The following FLT1 variants were observed in gnomAD, a reference collection of about 807,000 sequenced individuals.
The protein encoded by FLT1 is fms related receptor tyrosine kinase 1, also known as vascular endothelial growth factor receptor 1.
A neutral mutation model predicts 156.3 loss-of-function variants in FLT1; 49 were observed. The observed-to-expected ratio is 0.31, with a 90% confidence interval of 0.25 to 0.40. The LOEUF (loss-of-function observed/expected upper bound fraction) is 0.40, where lower values mean the gene tolerates loss of function less well. FLT1 is among the 10% of genes least tolerant of loss of function. The pLI is 1.00. For missense variants in FLT1, 1,322 were observed against 1,637.2 expected, an observed-to-expected ratio of 0.81 and a Z score of 3.32; for synonymous variants, 594 against 583.8, an observed-to-expected ratio of 1.02 and a Z score of -0.25.
intron 25 of FLT1, among the ~76,000 whole-genome samples, chr13:28,316,887 T>C (rs542174074): frequency 1.2e-3 from 189 of 152,256 alleles, no homozygotes; most frequent in African/African-American, 4.3e-3. Flanking sequence ...CCTCCCAAAG[T>C]GCTGGGATTA....
At chr13:28,434,301 A>G (rs1877897168) in intron 4 of FLT1, 81 bp from the exon 5 acceptor site, 3 of 1,288,704 alleles carry the variant, frequency 2.3e-6, no homozygotes, top group Admixed American at 1.8e-5. Flanking sequence ...TTGTGAAAAC[A>G]TGATTTTTCA....
intron 10 of FLT1, among the ~76,000 whole-genome samples, chr13:28,422,481 G>A (rs1294381462): frequency 6.6e-6 from 1 of 152,204 alleles, no homozygotes; most frequent in Non-Finnish European, 1.5e-5. Context: ...CAAAACTGCA[G>A]TAATCAAAGG....
At chr13:28,474,056 G>T (rs1310308729) in intron 1 of FLT1, among the ~76,000 whole-genome samples, 1 of 152,122 alleles carries the variant, frequency 6.6e-6, no homozygotes. Flanking sequence ...GCCACAGAGA[G>T]ATGCCTCAGG....
rs190641915 is a variant in FLT1, at chr13:28,394,116, G to A, written c.1660+2844C>T. ...CTCTCATCTCTAGTGACAAAGATTT[G>A]AGTGAGAGAAAGATAATAATTATTT... On this transcript the variant is annotated intron_variant, in intron 12 of 29. Transcript: ENST00000282397. 2.1e-4 allele frequency among the ~76,000 whole-genome samples: 32 copies of A among 152,272 alleles called. 1 individual carries two copies. The highest frequency in any genetic ancestry group is 1.9e-4 in the Non-Finnish European group (13 of 68,014).
chr13:28,441,740 A>G (rs9508036), intron 3 of FLT1, among the ~76,000 whole-genome samples: 48,461 of 151,964 alleles, frequency 0.32, 7,958 homozygotes, highest in East Asian at 0.38. Context: ...CAAGAGTTTG[A>G]GACCAGCCTG....
intron 13 of FLT1, chr13:28,388,258 T>C (rs1874486212): frequency 9.5e-7 from 1 of 1,057,338 alleles, no homozygotes; most frequent in Non-Finnish European, 1.1e-6. Flanking sequence ...TCTGGGGAAA[T>C]GCTATTGTTT....
intron 16 of FLT1, among the ~76,000 whole-genome samples, chr13:28,343,133 C>T (rs1392537298): frequency 6.6e-6 from 1 of 152,114 alleles, no homozygotes; most frequent in Non-Finnish European, 1.5e-5. Context: ...CAGGCAAGTG[C>T]CATCACACCC....
At chr13:28,488,934 G>C (rs1881326034) in intron 1 of FLT1, among the ~76,000 whole-genome samples, 1 of 152,174 alleles carries the variant, frequency 6.6e-6, no homozygotes, top group South Asian at 2.1e-4. Context: ...CCTAAAATTT[G>C]AGGACTCTGT....
intron 1 of FLT1, among the ~76,000 whole-genome samples, chr13:28,471,941 C>T (rs1880202165): frequency 6.6e-6 from 1 of 152,038 alleles, no homozygotes; most frequent in Non-Finnish European, 1.5e-5. Flanking sequence ...GGCTTTATCC[C>T]ATGCTACTTT....
At chr13:28,373,871 G>A (rs1873729824) in intron 14 of FLT1, among the ~76,000 whole-genome samples, 1 of 152,066 alleles carries the variant, frequency 6.6e-6, no homozygotes, top group Non-Finnish European at 1.5e-5. Context: ...AAATCTCTTT[G>A]TATCTCTTCT....
chr13:28,368,623 T>G (rs1260737273), intron 14 of FLT1: 1 of 1,358,952 alleles, frequency 7.4e-7, no homozygotes, highest in Non-Finnish European at 1.0e-6. Context: ...ATGACAATGG[T>G]GATGATGACG....
In FLT1 at chr13:28,357,417, G is replaced by T. The variant is rs1189919065; in HGVS notation, c.2248+137C>A. 4.6e-6 allele frequency: 4 copies of T among 873,130 alleles called. No homozygotes were observed. In the East Asian group the frequency reaches 7.4e-5, roughly 16 times the overall value. The allele number at this position is 873,130 out of a possible 1,614,324, so 54.1% of individuals were successfully genotyped here. ...AACCAGACAGTCCCTTCCCGGAGTG[G>T]CAGGGAGAGGGGAGAAGGAGGTCAG... is the stretch of plus-strand genomic sequence containing the variant. On this transcript the variant is annotated intron_variant, in intron 15 of 29. Coordinates refer to ENST00000282397, the MANE Select transcript of FLT1 (RefSeq NM_002019.4).
intron 3 of FLT1, among the ~76,000 whole-genome samples, chr13:28,464,026 G>C (rs1378350682): frequency 2.7e-5 from 4 of 149,634 alleles, no homozygotes; most frequent in Non-Finnish European, 4.5e-5. Context: ...AAATTAATTA[G>C]CAAACAAGAT....
At chr13:28,316,638 CTT>C (rs572382294) in intron 25 of FLT1, among the ~76,000 whole-genome samples, 48 of 134,574 alleles carry the variant, frequency 3.6e-4, no homozygotes, top group Admixed American at 5.2e-4. Flanking sequence ...CTAAAAGGTT[CTT>C]TTTTTTTTTT....
At chr13:28,357,263 G>T (rs61764360) in intron 15 of FLT1, among the ~76,000 whole-genome samples, 2,029 of 152,006 alleles carry the variant, frequency 0.013, 45 homozygotes, top group African/African-American at 0.046. Context: ...TCTGTGGCAG[G>T]GCGTAATAAC....
chr13:28,317,857 C>T (rs1032884202), intron 24 of FLT1, among the ~76,000 whole-genome samples: 1 of 152,236 alleles, frequency 6.6e-6, no homozygotes, highest in African/African-American at 2.4e-5. Context: ...GCTACTTCTG[C>T]CTGTGTGGTC....
chr13:28,440,748 A>G (rs934564113), intron 3 of FLT1, among the ~76,000 whole-genome samples: 10 of 152,170 alleles, frequency 6.6e-5, no homozygotes, highest in African/African-American at 2.2e-4. Flanking sequence ...CATTTGTAAA[A>G]TCTAAGTGAA....
At position 28,329,726 on chromosome 13, in the gene FLT1, C is replaced by G. The variant is rs766101235; in HGVS notation, c.2596G>C (p.Gly866Arg). ...GCTTTGTACTCGCTGGCCGTGGCCC[C>G]CTCTGTGTGAGAAGCAAGGAAGAGT... ...RTVAVKMLKE[G>R]ATASEYKALM... The change falls in exon 19 of 30, where the codon GGG becomes CGG. Residue 866 changes from glycine (G) to arginine (R), a missense_variant and splice_region_variant. Gly to Arg is a moderately radical substitution (Grantham distance 125). Transcript: ENST00000282397. The G allele has an allele frequency of 1.2e-6, 2 of 1,613,316 alleles. No homozygotes were observed. Among genetic ancestry groups the G allele is most frequent in the Non-Finnish European group, 1.7e-6 (2 of 1,179,372 alleles).
chr13:28,486,196 C>T (rs1881150407), intron 1 of FLT1, among the ~76,000 whole-genome samples: 1 of 152,190 alleles, frequency 6.6e-6, no homozygotes, highest in South Asian at 2.1e-4. Flanking sequence ...ACCCTGGATG[C>T]CCCCAGGAAG....
Sources: allele counts gnomAD v4.1 joint callset (sites outside exome capture counted in the v4.1 genomes callset), GRCh38; gene constraint gnomAD v4.1.1; transcripts MANE v1.5; gene names NCBI Gene and HGNC (gene_info 2026-07-23, HGNC 2026-07-21).